DOCK4: variants seen among roughly 807,000 people sequenced by gnomAD.
DOCK4 encodes dedicator of cytokinesis 4, also known as dedicator of cytokinesis protein 4.
Under a neutral mutation model 268.1 loss-of-function variants are expected in DOCK4, and 97 were observed. The observed-to-expected ratio is 0.36, with a 90% confidence interval of 0.31 to 0.43. The LOEUF (loss-of-function observed/expected upper bound fraction) is 0.43. DOCK4 is among the 20% of genes least tolerant of loss of function. The pLI is 1.00. For synonymous variants in DOCK4, 954 were observed against 887.2 expected, an observed-to-expected ratio of 1.08 and a Z score of -1.34; for missense variants, 2,145 against 2,455.7, an observed-to-expected ratio of 0.87 and a Z score of 2.67.
intron 1 of DOCK4, among the ~76,000 whole-genome samples, chr7:112,090,224 A>G (rs963865872): frequency 1.3e-5 from 2 of 152,188 alleles, no homozygotes; most frequent in African/African-American, 4.8e-5. Flanking sequence ...GAGGTTCTAA[A>G]AAGATAAATA....
At chr7:111,960,276 A>C (rs1057201631) in intron 8 of DOCK4, among the ~76,000 whole-genome samples, 1 of 151,458 alleles carries the variant, frequency 6.6e-6, no homozygotes, top group South Asian at 2.1e-4. Flanking sequence ...AGGCAGGAGA[A>C]TCGCTTGAAC....
At chr7:112,013,986 A>G (rs919662294) in intron 1 of DOCK4, among the ~76,000 whole-genome samples, 13 of 152,184 alleles carry the variant, frequency 8.5e-5, no homozygotes, top group African/African-American at 3.1e-4. Flanking sequence ...TGGGTACTCA[A>G]CAAGTGTCAG....
chr7:112,033,892 C>T (rs1323720744), intron 1 of DOCK4, among the ~76,000 whole-genome samples: 1 of 152,154 alleles, frequency 6.6e-6, no homozygotes, highest in Non-Finnish European at 1.5e-5. Context: ...ATATAGTGCT[C>T]AATCTGAAGC....
intron 38 of DOCK4, among the ~76,000 whole-genome samples, chr7:111,766,361 A>T: frequency 6.6e-6 from 1 of 152,132 alleles, no homozygotes; most frequent in East Asian, 1.9e-4. Flanking sequence ...ATGTATAAAA[A>T]CTGATGATCC....
At chr7:112,023,244 G>A (rs143470081) in intron 1 of DOCK4, among the ~76,000 whole-genome samples, 71 of 152,222 alleles carry the variant, frequency 4.7e-4, no homozygotes, top group African/African-American at 1.6e-3. Context: ...CCTTTTCTAC[G>A]TATCCTTCAT....
intron 25 of DOCK4, among the ~76,000 whole-genome samples, chr7:111,841,179 T>C (rs936459297): frequency 7.2e-6 from 1 of 139,692 alleles, no homozygotes; most frequent in African/African-American, 3.0e-5. Context: ...ATTTATTTAT[T>C]TATGAGACAG....
At chr7:111,944,333 T>TA (rs1375039010) in intron 10 of DOCK4, among the ~76,000 whole-genome samples, 9 of 151,944 alleles carry the variant, frequency 5.9e-5, no homozygotes, top group Non-Finnish European at 1.0e-4. Context: ...TTATATAAGT[T>TA]AAAAAAATTC....
intron 1 of DOCK4, among the ~76,000 whole-genome samples, chr7:112,030,808 G>A (rs1484811001): frequency 6.6e-6 from 1 of 152,200 alleles, no homozygotes; most frequent in Non-Finnish European, 1.5e-5. Context: ...GGCTAAGTCA[G>A]CTCCTCAGAT....
intron 1 of DOCK4, among the ~76,000 whole-genome samples, chr7:112,155,218 A>G (rs145162720): frequency 3.5e-4 from 53 of 152,336 alleles, no homozygotes; most frequent in African/African-American, 1.2e-3. Flanking sequence ...AAAAGCCATA[A>G]CCAAATATAT....
intron 1 of DOCK4, among the ~76,000 whole-genome samples, chr7:112,186,464 G>A (rs1247646644): frequency 2.0e-5 from 3 of 152,132 alleles, no homozygotes; most frequent in Non-Finnish European, 1.5e-5. Context: ...TAGTAAAAAG[G>A]TGGATAAGAA....
At chr7:111,778,142 T>C (rs1009977429) in intron 36 of DOCK4, 134 bp downstream of exon 36, 14 of 589,834 alleles carry the variant, frequency 2.4e-5, no homozygotes, top group Non-Finnish European at 3.5e-5. Context: ...CAGAAATATA[T>C]ATCCAATTAA....
chr7:112,125,466 T>A (rs748124629), intron 1 of DOCK4, among the ~76,000 whole-genome samples: 1 of 152,216 alleles, frequency 6.6e-6, no homozygotes, highest in African/African-American at 2.4e-5. Flanking sequence ...CAGCAGTGTA[T>A]CTGGTGTTGC....
intron 21 of DOCK4, chr7:111,869,319 A>T (rs1045259068): frequency 3.3e-5 from 14 of 429,648 alleles, no homozygotes; most frequent in Non-Finnish European, 6.1e-5. Context: ...TGCTCATCTT[A>T]GACTTCACTT....
At chr7:112,129,982 A>T (rs1029326337) in intron 1 of DOCK4, among the ~76,000 whole-genome samples, 2 of 152,200 alleles carry the variant, frequency 1.3e-5, no homozygotes, top group Admixed American at 1.3e-4. Flanking sequence ...TCCCCCAGTG[A>T]CAAGTCCTTG....
intron 12 of DOCK4, 90 bp downstream of exon 12, chr7:111,935,450 A>G (rs766735929): frequency 1.8e-6 from 2 of 1,117,104 alleles, no homozygotes; most frequent in South Asian, 2.5e-5. Context: ...AGAAAAACAA[A>G]GGGCTGATAA....
chr7:112,088,551 G>A (rs1020520049), intron 1 of DOCK4, among the ~76,000 whole-genome samples: 1 of 152,128 alleles, frequency 6.6e-6, no homozygotes, highest in Non-Finnish European at 1.5e-5. Context: ...CATGATTAAA[G>A]CAGCCAGTAT....
Position 111,728,401 on chromosome 7 carries a change from G to GT in DOCK4, c.5800dup (p.Thr1934AsnfsTer27). The GT allele has an allele frequency of 6.4e-7, 1 of 1,564,238 alleles. No homozygotes were observed. The highest frequency in any genetic ancestry group is 8.7e-7 in the Non-Finnish European group (1 of 1,153,482). ...GGGGGGCAGCGCGGGCGGCTCCGAC[G>GT]TGACGGGGATGGAGAGGCTGTGAGG... is the stretch of plus-strand genomic sequence containing the variant. On this transcript the variant is annotated frameshift_variant, in exon 53 of 53. Transcript: ENST00000428084. LOFTEE classifies it high-confidence loss of function.
At chr7:111,921,468 A>C (rs1371464968) in intron 12 of DOCK4, among the ~76,000 whole-genome samples, 1 of 152,230 alleles carries the variant, frequency 6.6e-6, no homozygotes, top group Non-Finnish European at 1.5e-5. Flanking sequence ...TATAAGTAGC[A>C]GCTGAAATTT....
At chr7:112,128,433 G>A (rs1813459617) in intron 1 of DOCK4, among the ~76,000 whole-genome samples, 1 of 152,212 alleles carries the variant, frequency 6.6e-6, no homozygotes, top group Admixed American at 6.5e-5. Context: ...ACAGCTCATT[G>A]AGAACGGGCC....
Sources: gnomAD v4.1 joint callset for allele counts (sites outside exome capture counted in the v4.1 genomes callset) on GRCh38, gnomAD v4.1.1 for gene constraint, MANE v1.5 for transcripts, NCBI Gene and HGNC (gene_info 2026-07-23, HGNC 2026-07-21) for gene names.